The following RBFOX1 variants were observed in gnomAD, a reference collection of about 807,000 sequenced individuals.
The protein encoded by RBFOX1 is RNA binding protein fox-1 homolog 1.
RBFOX1 carries 8 observed loss-of-function variants against 57.7 expected under a neutral mutation model. The ratio of observed to expected loss-of-function variants is 0.14; its 90% CI spans 0.08 to 0.25. RBFOX1 has a LOEUF of 0.25. RBFOX1 is among the 10% of genes least tolerant of loss of function. The pLI, the probability that RBFOX1 is intolerant of heterozygous loss-of-function variation, is 1.00. For synonymous variants in RBFOX1, 326 were observed against 222.4 expected (o/e 1.47, Z -4.15); for missense variants, 611 against 548.5 (o/e 1.11, Z -1.14).
rs376454844 is a variant in RBFOX1, at chr16:5,677,160, ATGT to A, written c.318+78202_318+78204del. ...CCCAGAAGTTGAACCCAGGCCTCTG[ATGT>A]TGGTTACTATGACAGCTTCTCTTGC... On this transcript the variant is annotated intron_variant, in intron 3 of 19. Coordinates refer to the RBFOX1 transcript ENST00000641259. Among the ~76,000 whole-genome samples the A allele has an allele frequency of 3.3e-5, 5 of 152,340 alleles. No homozygotes were observed. In the South Asian group the frequency reaches 6.2e-4, roughly 19 times the overall value.
rs138195500 is a variant in RBFOX1 at position 6,773,002 on chromosome 16, A to ATG, written c.-16+118367_-16+118368dup. Among the ~76,000 whole-genome samples the ATG allele has an allele frequency of 6.9e-3, 511 of 73,724 alleles. 3 individuals are homozygous for ATG. The highest frequency in any genetic ancestry group is 0.039 in the South Asian group (81 of 2,096). The allele number at this position is 73,724 out of a possible 152,430, so 48.4% of individuals were successfully genotyped here. Reference sequence around the variant, plus strand: ...GCGTGTGTGTGGGTGTGGGGTGCATATGTGTGTGTGTGTGTGATTGTATTT... The same window carrying ATG: ...GCGTGTGTGTGGGTGTGGGGTGCATATGTGTGTGTGTGTGTGTGATTGTATTT... On this transcript the variant is annotated intron_variant, in intron 3 of 15. Transcript: ENST00000550418.
In RBFOX1 at chr16:6,246,609, C is replaced by T. The variant is rs558797939; in HGVS notation, c.-126-70386C>T. 6.6e-5 allele frequency among the ~76,000 whole-genome samples: 10 copies of T among 152,238 alleles called. No individual in the cohort carries two copies. The South Asian group carries it at 2.1e-3, about 32-fold the overall frequency. On this transcript the variant is annotated intron_variant, in intron 1 of 15. Transcript: ENST00000550418. ...TGGCCAAAAGGAAAAGGGGTGATTC[C>T]ACCAGAAGAGAGAAAATGAGAAAAT...
chr16:6,866,912 G>T (rs2060034441), intron 3 of RBFOX1, among the ~76,000 whole-genome samples: 1 of 151,694 alleles, frequency 6.6e-6, no homozygotes. Flanking sequence ...TCAAGATAAG[G>T]AAACCAGCCC....
intron 3 of RBFOX1, among the ~76,000 whole-genome samples, chr16:6,692,948 A>G (rs771416450): frequency 1.1e-4 from 17 of 150,148 alleles, no homozygotes; most frequent in Non-Finnish European, 2.2e-4. Context: ...TATCAACATC[A>G]TCCCCATCCA....
chr16:6,758,565 C>G (rs979427753), intron 3 of RBFOX1, among the ~76,000 whole-genome samples: 2 of 152,120 alleles, frequency 1.3e-5, no homozygotes, highest in Non-Finnish European at 2.9e-5. Context: ...ACCATGCTCT[C>G]TAAAACATCC....
At chr16:7,541,151 A>G (rs947849840) in intron 5 of RBFOX1, among the ~76,000 whole-genome samples, 1 of 152,246 alleles carries the variant, frequency 6.6e-6, no homozygotes, top group Non-Finnish European at 1.5e-5. Context: ...GAGCAGCAAG[A>G]TAATTCACTC....
At chr16:5,486,637 G>A (rs183980809) in intron 2 of RBFOX1, among the ~76,000 whole-genome samples, 3 of 152,140 alleles carry the variant, frequency 2.0e-5, no homozygotes, top group African/African-American at 7.2e-5. Flanking sequence ...TCCCCCATTA[G>A]CTTGACTTGT....
At chr16:6,477,206 T>A (rs562477190) in intron 2 of RBFOX1, among the ~76,000 whole-genome samples, 1 of 152,354 alleles carries the variant, frequency 6.6e-6, no homozygotes, top group African/African-American at 2.4e-5. Context: ...TCTTGAATGT[T>A]CTTAATGGCA....
chr16:5,593,450 C>T (rs554328669), intron 2 of RBFOX1, among the ~76,000 whole-genome samples: 3 of 152,190 alleles, frequency 2.0e-5, no homozygotes, highest in South Asian at 2.1e-4. Context: ...TGTAACAAAC[C>T]TGCACTTTCT....
chr16:7,360,786 A>C (rs2097305606), intron 4 of RBFOX1, among the ~76,000 whole-genome samples: 1 of 152,050 alleles, frequency 6.6e-6, no homozygotes, highest in Non-Finnish European at 1.5e-5. Context: ...TCTTCTTTTC[A>C]CTTTGCCTTT....
intron 2 of RBFOX1, among the ~76,000 whole-genome samples, chr16:5,488,651 A>AT (rs755921181): frequency 8.6e-5 from 12 of 139,562 alleles, no homozygotes; most frequent in African/African-American, 3.2e-4. Context: ...GATGGTGATG[A>AT]TGATTATGGG....
chr16:6,383,790 A>T (rs909359857), intron 2 of RBFOX1, among the ~76,000 whole-genome samples: 4 of 152,192 alleles, frequency 2.6e-5, no homozygotes, highest in African/African-American at 9.6e-5. Context: ...AAAGAAAAGA[A>T]AAACAGCACA....
chr16:6,461,978 C>T (rs2094931118), intron 2 of RBFOX1, among the ~76,000 whole-genome samples: 4 of 152,118 alleles, frequency 2.6e-5, no homozygotes, highest in South Asian at 4.1e-4. Flanking sequence ...GAATGTTTCA[C>T]ACGATGCATC....
chr16:7,392,038 T>C (rs1326431606), intron 4 of RBFOX1, among the ~76,000 whole-genome samples: 2 of 152,348 alleles, frequency 1.3e-5, no homozygotes, highest in South Asian at 4.1e-4. Context: ...ATTTCATGCT[T>C]TGCTCATTTG....
chr16:5,787,484 C>T (rs2054543152), intron 3 of RBFOX1, among the ~76,000 whole-genome samples: 1 of 152,142 alleles, frequency 6.6e-6, no homozygotes, highest in Admixed American at 6.5e-5. Context: ...TCATGCTTAG[C>T]CATGAGGGGA....
chr16:6,782,281 C>G (rs915589539), intron 3 of RBFOX1, among the ~76,000 whole-genome samples: 1 of 152,042 alleles, frequency 6.6e-6, no homozygotes, highest in Non-Finnish European at 1.5e-5. Flanking sequence ...TTTTGTTTTC[C>G]TTTTTTGATA....
At chr16:6,649,634 A>T (rs142571166) in intron 2 of RBFOX1, among the ~76,000 whole-genome samples, 5 of 152,148 alleles carry the variant, frequency 3.3e-5, no homozygotes, top group Admixed American at 1.3e-4. Context: ...TCCATTCGTG[A>T]CTTGTTTCAC....
At chr16:5,925,796 G>C (rs2058928417) in intron 4 of RBFOX1, among the ~76,000 whole-genome samples, 1 of 152,146 alleles carries the variant, frequency 6.6e-6, no homozygotes, top group African/African-American at 2.4e-5. Flanking sequence ...TTCCTGAAGA[G>C]GAGCTTTCTC....
intron 2 of RBFOX1, among the ~76,000 whole-genome samples, chr16:6,364,398 A>T (rs1220030003): frequency 6.6e-6 from 1 of 151,998 alleles, no homozygotes; most frequent in Admixed American, 6.5e-5. Context: ...CATTAAAGAC[A>T]TTTGGTGCAA....
Sources: allele counts gnomAD v4.1 joint callset (sites outside exome capture counted in the v4.1 genomes callset), GRCh38; gene constraint gnomAD v4.1.1; transcripts MANE v1.5; gene names NCBI Gene and HGNC (gene_info 2026-07-23, HGNC 2026-07-21).